The following PRKRIP1 variants were observed in gnomAD, a reference collection of about 807,000 sequenced individuals.
The protein encoded by PRKRIP1 is PRKR-interacting protein 1.
Under a neutral mutation model 29.3 loss-of-function variants are expected in PRKRIP1, and 29 were observed. That is an observed-to-expected ratio of 0.99 (90% CI 0.74 to 1.35). The LOEUF (loss-of-function observed/expected upper bound fraction) is 1.35. Ranked by LOEUF, PRKRIP1 falls within the 40% of genes most tolerant of loss-of-function variation. The probability of loss-of-function intolerance (pLI) is 0.00; values close to 1 mark genes in which losing one functional copy is unlikely to be tolerated. For synonymous variants in PRKRIP1, 90 were observed against 85.1 expected, an observed-to-expected ratio of 1.06 and a Z score of -0.32; for missense variants, 247 against 236.8, an observed-to-expected ratio of 1.04 and a Z score of -0.28.
At chr7:102,403,812 G>C (rs537969031) in intron 3 of PRKRIP1, among the ~76,000 whole-genome samples, 90 of 152,208 alleles carry the variant, frequency 5.9e-4, no homozygotes, top group African/African-American at 2.0e-3. Context: ...TATCTGTGTG[G>C]GTGTGGGTGT....
chr7:102,396,892 A>G (rs1795916566), intron 1 of PRKRIP1, among the ~76,000 whole-genome samples: 1 of 152,160 alleles, frequency 6.6e-6, no homozygotes. Context: ...CGTTAGAGAG[A>G]CAGTGGCCGA....
chr7:102,408,430 A>T (rs1796288270), intron 5 of PRKRIP1, among the ~76,000 whole-genome samples: 1 of 152,154 alleles, frequency 6.6e-6, no homozygotes, highest in Non-Finnish European at 1.5e-5. Context: ...GAAGAGTAGG[A>T]GGCAGGGTTG....
At position 102,425,370 on chromosome 7, in the gene PRKRIP1, C is replaced by A; in HGVS notation, c.*259C>A. 5.1e-6 allele frequency: 3 copies of A among 585,382 alleles called. No homozygotes were observed. The highest frequency in any genetic ancestry group is 1.9e-5 in the South Asian group (1 of 52,576). The allele number at this position is 585,382 out of a possible 1,614,324, so 36.3% of individuals were successfully genotyped here. On this transcript the variant is annotated 3_prime_UTR_variant, in exon 6 of 6. Coordinates refer to ENST00000397912, the MANE Select transcript of PRKRIP1 (RefSeq NM_024653.4). ...AAGGGGGACAGAGAGCCTCACCTTG[C>A]CACATATTTGAACAGTGATGAGTTT... is the stretch of plus-strand genomic sequence containing the variant.
rs531126848 is a variant in PRKRIP1 at position 102,413,193 on chromosome 7, G to T, written c.457+5695G>T. Among the ~76,000 whole-genome samples the T allele has an allele frequency of 9.2e-5, 14 of 152,202 alleles. No homozygotes were observed. In the South Asian group the frequency reaches 2.7e-3, roughly 29 times the overall value. ...GGCCAGGAGCACCCACCTTCCCCCA[G>T]TCATCAGCAATTGGATGTCTCCAGA... On this transcript the variant is annotated intron_variant, in intron 5 of 5. Transcript: ENST00000397912.
intron 2 of PRKRIP1, among the ~76,000 whole-genome samples, chr7:102,399,178 A>G (rs1020678603): frequency 6.6e-6 from 1 of 152,342 alleles, no homozygotes; most frequent in Non-Finnish European, 1.5e-5. Flanking sequence ...ATTGTTCTAC[A>G]TATACAACTT....
At chr7:102,396,900 C>T (rs1201156278) in intron 1 of PRKRIP1, among the ~76,000 whole-genome samples, 1 of 152,122 alleles carries the variant, frequency 6.6e-6, no homozygotes, top group African/African-American at 2.4e-5. Context: ...AGACAGTGGC[C>T]GAGACGTTTG....
intron 5 of PRKRIP1, among the ~76,000 whole-genome samples, chr7:102,408,672 T>G (rs1168355158): frequency 2.0e-5 from 3 of 152,190 alleles, no homozygotes; most frequent in African/African-American, 7.2e-5. Context: ...AGTGCATGAT[T>G]GTGGTTTTTG....
At chr7:102,422,826 G>T (rs1407904741) in intron 5 of PRKRIP1, among the ~76,000 whole-genome samples, 1 of 152,162 alleles carries the variant, frequency 6.6e-6, no homozygotes, top group Non-Finnish European at 1.5e-5. Flanking sequence ...TGTGTGTGGG[G>T]TATATATGAA....
rs1227558452 is a variant in PRKRIP1 at position 102,426,590 on chromosome 7, A to G, written c.*1479A>G. The G allele has an allele frequency of 1.3e-5, 2 of 152,708 alleles. No homozygotes were observed. Among genetic ancestry groups the G allele is most frequent in the Non-Finnish European group, 2.9e-5 (2 of 68,112 alleles). The allele number at this position is 152,708 out of a possible 1,614,324, so 9.5% of individuals were successfully genotyped here. ...ATAGCTTCTGTCCCTTCATCGGTTC[A>G]TGTCACAGGGATTTTCTTTCCCAGG... On this transcript the variant is annotated 3_prime_UTR_variant, in exon 6 of 6. Transcript: ENST00000397912.
At chr7:102,422,544 G>T (rs1796723200) in intron 5 of PRKRIP1, among the ~76,000 whole-genome samples, 1 of 152,010 alleles carries the variant, frequency 6.6e-6, no homozygotes, top group Non-Finnish European at 1.5e-5. Context: ...GTTTCGCCAT[G>T]TTGGCCAGGC....
chr7:102,425,011 C>A lies in PRKRIP1; in HGVS notation c.458-3C>A. 6.2e-7 allele frequency: 1 copy of A among 1,610,824 alleles called. No homozygotes were observed. ...CTGTAATTTGAATGTCGTGTGGTTACAGGACCCGGTCAGCCCAAGGAGCAG... is the reference window on the plus strand; with the variant it reads ...CTGTAATTTGAATGTCGTGTGGTTAAAGGACCCGGTCAGCCCAAGGAGCAG... On this transcript the variant is annotated splice_region_variant and splice_polypyrimidine_tract_variant and intron_variant, in intron 5 of 5. Transcript: ENST00000397912.
At chr7:102,415,903 G>T (rs1796523272) in intron 5 of PRKRIP1, among the ~76,000 whole-genome samples, 2 of 152,240 alleles carry the variant, frequency 1.3e-5, no homozygotes, top group South Asian at 4.1e-4. Context: ...CACCATGCTG[G>T]TCTGTTCACT....
Position 102,425,228 on chromosome 7 carries a change from A to G in PRKRIP1, c.*117A>G. On this transcript the variant is annotated 3_prime_UTR_variant, in exon 6 of 6. Transcript: ENST00000397912. ...CCGCTGACCCGCTGGATGGAGAGCA[A>G]AGGAGACCCCTCCCGAGCCGCTCAC... is the stretch of plus-strand genomic sequence containing the variant. 1 of 1,523,668 alleles carries G rather than the reference A, an allele frequency of 6.6e-7. No individual in the cohort carries two copies. Among genetic ancestry groups the G allele is most frequent in the Non-Finnish European group, 8.8e-7 (1 of 1,140,702 alleles). 94.4% of individuals were successfully genotyped at this position (1,523,668 alleles called of 1,614,324 possible). A position where few individuals can be genotyped will look rare whatever the true frequency, so the allele number is the denominator to read the frequency against.
chr7:102,415,130 G>A (rs1796498807), intron 5 of PRKRIP1, among the ~76,000 whole-genome samples: 1 of 152,128 alleles, frequency 6.6e-6, no homozygotes, highest in African/African-American at 2.4e-5. Flanking sequence ...GTCTTACTGG[G>A]GATTGAGTAA....
At chr7:102,412,159 G>A (rs893313093) in intron 5 of PRKRIP1, among the ~76,000 whole-genome samples, 3 of 152,060 alleles carry the variant, frequency 2.0e-5, no homozygotes, top group East Asian at 1.9e-4. Flanking sequence ...GAGCCACCAC[G>A]CCCAGCCAGC....
chr7:102,412,583 T>C (rs1364259152), intron 5 of PRKRIP1, among the ~76,000 whole-genome samples: 3 of 152,194 alleles, frequency 2.0e-5, no homozygotes, highest in African/African-American at 7.2e-5. Flanking sequence ...ATGCCACTTA[T>C]CTTGCCTTCT....
At chr7:102,416,392 G>C (rs1315502216) in intron 5 of PRKRIP1, among the ~76,000 whole-genome samples, 4 of 152,178 alleles carry the variant, frequency 2.6e-5, no homozygotes, top group African/African-American at 9.7e-5. Context: ...CATTATTCCA[G>C]CTGCCTTAGT....
At chr7:102,417,790 A>T (rs1397702992) in intron 5 of PRKRIP1, among the ~76,000 whole-genome samples, 2 of 151,226 alleles carry the variant, frequency 1.3e-5, no homozygotes, top group Non-Finnish European at 3.0e-5. Flanking sequence ...GCTCAGTTTT[A>T]AAATTTTTTT....
chr7:102,404,693 A>G lies in PRKRIP1; in HGVS notation c.392+10A>G, dbSNP rs879999915. 12 of 1,611,108 alleles carry G rather than the reference A, an allele frequency of 7.4e-6. No homozygotes were observed. The highest frequency in any genetic ancestry group is 1.1e-5 in the South Asian group (1 of 90,914). Reference sequence around the variant, plus strand: ...AGCGCCGGAAGAAGCGGTAAGCGGCATGGCCTAACTGTGATGACACTTAAG... The same window carrying G: ...AGCGCCGGAAGAAGCGGTAAGCGGCGTGGCCTAACTGTGATGACACTTAAG... On this transcript the variant is annotated intron_variant, in intron 4 of 5. Coordinates refer to ENST00000397912, the MANE Select transcript of PRKRIP1 (RefSeq NM_024653.4).
Sources: gnomAD v4.1 joint callset for allele counts (sites outside exome capture counted in the v4.1 genomes callset) on GRCh38, gnomAD v4.1.1 for gene constraint, MANE v1.5 for transcripts, NCBI Gene and HGNC (gene_info 2026-07-23, HGNC 2026-07-21) for gene names.